Variants in STUM observed in about 807,000 individuals in gnomAD.
The protein encoded by STUM is stum, mechanosensory transduction mediator homolog, also known as protein stum homolog.
Under a neutral mutation model 15.3 loss-of-function variants are expected in STUM, and 8 were observed. The observed-to-expected ratio is 0.52, with a 90% CI of 0.31 to 0.94. STUM has a LOEUF of 0.94. Ranked by LOEUF, STUM falls within the 40% of genes least tolerant of loss-of-function variation. The probability of loss-of-function intolerance (pLI) is 0.05; values close to 1 mark genes in which losing one functional copy is unlikely to be tolerated. For synonymous variants in STUM, 78 were observed against 88.7 expected, an observed-to-expected ratio of 0.88 and a Z score of 0.68; for missense variants, 142 against 204.9, an observed-to-expected ratio of 0.69 and a Z score of 1.87.
chr1:226,605,691 G>A lies in STUM; in HGVS notation c.*3651G>A, dbSNP rs539389697. ...CCTCCTGAGACCTGTCATCACTTAG[G>A]GGGAGTTGGGCAAAACCTCCTAGGA... On this transcript the variant is annotated 3_prime_UTR_variant, in exon 4 of 4. Coordinates refer to ENST00000366788, the MANE Select transcript of STUM (RefSeq NM_001003665.4). This position sits in a 1 kb window ranked among gnomAD's most constrained non-coding sequence, Gnocchi z 4.0. The A allele has an allele frequency of 4.6e-5, 7 of 152,204 alleles. No individual in the cohort carries two copies. Among genetic ancestry groups the A allele is most frequent in the African/African-American group, 1.4e-4 (6 of 41,438 alleles). 9.4% of individuals were successfully genotyped at this position (152,204 alleles called of 1,614,324 possible).
Position 226,599,167 on chromosome 1 carries a change from G to A in STUM, c.383-1499G>A, listed in dbSNP as rs895962652. Among the ~76,000 whole-genome samples the A allele has an allele frequency of 2.0e-5, 3 of 152,192 alleles. No individual in the cohort carries two copies. In the East Asian group the frequency reaches 5.8e-4, roughly 29 times the overall value. Reference sequence around the variant, plus strand: ...CCCACAACACATAGGAATTGTGGGAGTTACAATTCAAGATGAGATTTGGGT... The same window carrying A: ...CCCACAACACATAGGAATTGTGGGAATTACAATTCAAGATGAGATTTGGGT... On this transcript the variant is annotated intron_variant, in intron 2 of 3. Coordinates refer to ENST00000366788, the MANE Select transcript of STUM (RefSeq NM_001003665.4).
intron 1 of STUM, among the ~76,000 whole-genome samples, chr1:226,585,745 G>A (rs1667986191): frequency 6.6e-6 from 1 of 152,196 alleles, no homozygotes; most frequent in South Asian, 2.1e-4. Flanking sequence ...CACTCAGTAG[G>A]TACTTCGTAA....
rs942565200 is a variant in STUM, at chr1:226,565,104, A to T, written c.202+15998A>T. On this transcript the variant is annotated intron_variant, in intron 1 of 3. Coordinates refer to ENST00000366788, the MANE Select transcript of STUM (RefSeq NM_001003665.4). The surrounding 1 kb of genome is among the most constrained non-coding windows in gnomAD (Gnocchi z 4.4). Reference sequence around the variant, plus strand: ...CTGGTAGGCATGGAGGAAAGGAGGGAGAGTTTGGGGTATTGGTTTCCCATT... The same window carrying T: ...CTGGTAGGCATGGAGGAAAGGAGGGTGAGTTTGGGGTATTGGTTTCCCATT... Among the ~76,000 whole-genome samples, 1 of 152,120 alleles carries T rather than the reference A, an allele frequency of 6.6e-6. No homozygotes were observed. Among genetic ancestry groups the T allele is most frequent in the African/African-American group, 2.4e-5 (1 of 41,422 alleles).
rs929984665 is a variant in STUM, at chr1:226,606,510, G to A, written c.*4470G>A. ...CCCTGAGCATTGCATAAATGCTTGG[G>A]GGCGTGTCATTTAAATGGAAGTTCT... On this transcript the variant is annotated 3_prime_UTR_variant, in exon 4 of 4. Transcript: ENST00000366788. 6.6e-6 allele frequency: 1 copy of A among 152,228 alleles called. No homozygotes were observed. The highest frequency in any genetic ancestry group is 2.4e-5 in the African/African-American group (1 of 41,448). 9.4% of individuals were successfully genotyped at this position (152,228 alleles called of 1,614,324 possible).
At chr1:226,582,572 G>A (rs1476370816) in intron 1 of STUM, among the ~76,000 whole-genome samples, 3 of 143,476 alleles carry the variant, frequency 2.1e-5, no homozygotes, top group Non-Finnish European at 4.5e-5. Flanking sequence ...TCCAGCCTGA[G>A]CAACAAGAGC....
intron 3 of STUM, among the ~76,000 whole-genome samples, chr1:226,601,500 T>C (rs147112229): frequency 2.6e-5 from 4 of 152,316 alleles, no homozygotes; most frequent in African/African-American, 7.2e-5. Context: ...TGATCAACAA[T>C]GTTTTAAAGG....
rs1335962704 is a variant in STUM at position 226,549,373 on chromosome 1, C to T, written c.202+267C>T. Among the ~76,000 whole-genome samples the T allele has an allele frequency of 6.6e-6, 1 of 152,208 alleles. No individual in the cohort carries two copies. The highest frequency in any genetic ancestry group is 2.4e-5 in the African/African-American group (1 of 41,464). On this transcript the variant is annotated intron_variant, in intron 1 of 3. Transcript: ENST00000366788. This position sits in a 1 kb window ranked among gnomAD's most constrained non-coding sequence, Gnocchi z 6.8. The stretch of plus-strand genomic sequence containing the variant: ...ACTTTGCGGCCAATGTTGGAGCCCG[C>T]AGCGGCGGCCGGAATGGCTCTGCCG...
At chr1:226,585,617 T>C (rs1032838229) in intron 1 of STUM, among the ~76,000 whole-genome samples, 1 of 152,182 alleles carries the variant, frequency 6.6e-6, no homozygotes, top group African/African-American at 2.4e-5. Context: ...TTCACAGTGT[T>C]ATCCTGCCTG....
chr1:226,570,625 C>T (rs1667691788), intron 1 of STUM, among the ~76,000 whole-genome samples: 3 of 152,336 alleles, frequency 2.0e-5, no homozygotes, highest in South Asian at 4.1e-4. Flanking sequence ...CTTCAAGGAG[C>T]ATCATGCAGA....
intron 1 of STUM, among the ~76,000 whole-genome samples, chr1:226,595,013 C>T (rs1320711239): frequency 6.6e-6 from 1 of 152,122 alleles, no homozygotes; most frequent in African/African-American, 2.4e-5. Context: ...TGGAGAAGTC[C>T]CACGATAGGT....
chr1:226,560,411 A>G (rs986264170), intron 1 of STUM, among the ~76,000 whole-genome samples: 1 of 152,190 alleles, frequency 6.6e-6, no homozygotes, highest in Non-Finnish European at 1.5e-5. Context: ...AGCTCACATC[A>G]GTGTTGCTGG....
Position 226,604,028 on chromosome 1 carries a change from C to T in STUM, c.*1988C>T, listed in dbSNP as rs1420238620. ...CCCCTCTACTCAGATAAAATAGCTT[C>T]AGCTGCAGGAAGCCGCCCCCTCCCA... On this transcript the variant is annotated 3_prime_UTR_variant, in exon 4 of 4. Transcript: ENST00000366788. This position sits in a 1 kb window ranked among gnomAD's most constrained non-coding sequence, Gnocchi z 4.7. 6.6e-6 allele frequency: 1 copy of T among 152,412 alleles called. No individual in the cohort carries two copies. Among genetic ancestry groups the T allele is most frequent in the Non-Finnish European group, 1.5e-5 (1 of 68,236 alleles). The allele number at this position is 152,412 out of a possible 1,614,324, so 9.4% of individuals were successfully genotyped here.
In STUM at chr1:226,603,106, C is replaced by A. The variant is rs1668299288; in HGVS notation, c.*1066C>A. The stretch of plus-strand genomic sequence containing the variant: ...TGCCACTAAGTAACTTAGGGAAAAA[C>A]TTACCATTTGAGAGCTTTTAGGGTT... On this transcript the variant is annotated 3_prime_UTR_variant, in exon 4 of 4. Coordinates refer to ENST00000366788, the MANE Select transcript of STUM (RefSeq NM_001003665.4). 6.6e-6 allele frequency: 1 copy of A among 152,196 alleles called. No homozygotes were observed. Among genetic ancestry groups the A allele is most frequent in the Non-Finnish European group, 1.5e-5 (1 of 68,040 alleles). 9.4% of individuals were successfully genotyped at this position (152,196 alleles called of 1,614,324 possible).
rs1668321982 is a variant in STUM at position 226,604,298 on chromosome 1, C to T, written c.*2258C>T. The T allele has an allele frequency of 6.6e-6, 1 of 152,018 alleles. No individual in the cohort carries two copies. Among genetic ancestry groups the T allele is most frequent in the African/African-American group, 2.4e-5 (1 of 41,326 alleles). The allele number at this position is 152,018 out of a possible 1,614,324, so 9.4% of individuals were successfully genotyped here. A position where few individuals can be genotyped will look rare whatever the true frequency, so the allele number is the denominator to read the frequency against. On this transcript the variant is annotated 3_prime_UTR_variant, in exon 4 of 4. Transcript: ENST00000366788. This position sits in a 1 kb window ranked among gnomAD's most constrained non-coding sequence, Gnocchi z 4.7. ...TGAGTGGCAGGTGTCACCCTGGGTC[C>T]CGTGTGGGATGGTTTAATACAGGGG...
chr1:226,571,076 C>T (rs994345935), intron 1 of STUM, among the ~76,000 whole-genome samples: 27 of 151,954 alleles, frequency 1.8e-4, no homozygotes, highest in African/African-American at 6.3e-4. Context: ...ACTAAAAATA[C>T]AAAGATTAGC....
intron 2 of STUM, among the ~76,000 whole-genome samples, chr1:226,597,820 A>G (rs1258041949): frequency 6.6e-6 from 1 of 152,226 alleles, no homozygotes; most frequent in East Asian, 1.9e-4. Context: ...CTCTGGCAGC[A>G]GAGATCACAG....
intron 1 of STUM, among the ~76,000 whole-genome samples, chr1:226,558,031 T>C (rs1667475977): frequency 6.6e-6 from 1 of 152,206 alleles, no homozygotes; most frequent in Non-Finnish European, 1.5e-5. Flanking sequence ...GCTAACGTTA[T>C]ACTCAACGTG....
At chr1:226,576,506 C>T (rs1667818198) in intron 1 of STUM, among the ~76,000 whole-genome samples, 1 of 152,184 alleles carries the variant, frequency 6.6e-6, no homozygotes, top group Non-Finnish European at 1.5e-5. Flanking sequence ...CCATCTCTTG[C>T]CAAGGTTGCC....
At chr1:226,591,211 C>T (rs1668080076) in intron 1 of STUM, among the ~76,000 whole-genome samples, 1 of 152,140 alleles carries the variant, frequency 6.6e-6, no homozygotes, top group Admixed American at 6.5e-5. Context: ...TAATCTCTAC[C>T]TTTTATGGCA....
Sources: gnomAD v4.1 joint callset for allele counts (sites outside exome capture counted in the v4.1 genomes callset) on GRCh38, gnomAD v4.1.1 for gene constraint, Gnocchi (gnomAD v3.1) non-coding constraint, MANE v1.5 for transcripts, NCBI Gene and HGNC (gene_info 2026-07-23, HGNC 2026-07-21) for gene names.